TFDP2: variants seen among roughly 807,000 people sequenced by gnomAD.
The protein encoded by TFDP2 is transcription factor Dp-2.
A neutral mutation model predicts 59.3 loss-of-function variants in TFDP2; 17 were observed. The observed-to-expected ratio is 0.29, with a 90% CI of 0.20 to 0.43. TFDP2 has a LOEUF of 0.43. Ranked by LOEUF, TFDP2 falls within the 20% of genes least tolerant of loss-of-function variation. The pLI, the probability that TFDP2 is intolerant of heterozygous loss-of-function variation, is 1.00. For missense variants in TFDP2, 391 were observed against 528.8 expected (o/e 0.74, Z 2.56); for synonymous variants, 180 against 194.7 (o/e 0.92, Z 0.63).
At chr3:142,083,043 A>G (rs2060693649) in intron 3 of TFDP2, among the ~76,000 whole-genome samples, 1 of 152,206 alleles carries the variant, frequency 6.6e-6, no homozygotes, top group Non-Finnish European at 1.5e-5. Context: ...AGATAAAAAT[A>G]AAGGGCCATT....
At chr3:142,002,008 T>G (rs1943820066) in intron 4 of TFDP2, among the ~76,000 whole-genome samples, 1 of 149,636 alleles carries the variant, frequency 6.7e-6, no homozygotes, top group South Asian at 2.1e-4. Context: ...TTTTTTTTTT[T>G]GTCTGAGACA....
intron 6 of TFDP2, among the ~76,000 whole-genome samples, chr3:141,988,108 G>A (rs755988124): frequency 2.0e-5 from 3 of 151,832 alleles, no homozygotes; most frequent in Non-Finnish European, 2.9e-5. Context: ...ACCATGCCTG[G>A]CTAAGTTTTG....
intron 2 of TFDP2, among the ~76,000 whole-genome samples, chr3:142,095,078 C>T (rs1261852387): frequency 1.3e-5 from 2 of 151,876 alleles, no homozygotes; most frequent in Admixed American, 6.6e-5. Flanking sequence ...GTAACCTCTG[C>T]GTCCCGGGTT....
intron 3 of TFDP2, among the ~76,000 whole-genome samples, chr3:142,050,924 G>A (rs998388588): frequency 2.8e-4 from 42 of 152,286 alleles, no homozygotes; most frequent in African/African-American, 9.9e-4. Context: ...ATAGATCAAT[G>A]TAATCCTAAT....
At chr3:142,120,464 T>C (rs1320568673) in intron 1 of TFDP2, among the ~76,000 whole-genome samples, 1 of 152,164 alleles carries the variant, frequency 6.6e-6, no homozygotes, top group Non-Finnish European at 1.5e-5. Flanking sequence ...AACTGAAAGA[T>C]TCACATCAAG....
At chr3:142,095,127 A>G (rs1304882402) in intron 2 of TFDP2, among the ~76,000 whole-genome samples, 1 of 151,982 alleles carries the variant, frequency 6.6e-6, no homozygotes, top group Non-Finnish European at 1.5e-5. Flanking sequence ...AGTAGCTGGG[A>G]TTACAGGCGT....
intron 3 of TFDP2, among the ~76,000 whole-genome samples, chr3:142,063,350 T>C (rs1164432477): frequency 1.3e-5 from 2 of 152,204 alleles, no homozygotes; most frequent in African/African-American, 4.8e-5. Flanking sequence ...ATAAAATAAT[T>C]CTTGTATATC....
chr3:142,038,581 TA>T (rs1028605759), intron 3 of TFDP2, among the ~76,000 whole-genome samples: 1 of 152,106 alleles, frequency 6.6e-6, no homozygotes, highest in Non-Finnish European at 1.5e-5. Context: ...GCTTTTTATA[TA>T]ATGTCCAAAA....
At chr3:142,105,089 T>C (rs1248560227) in intron 1 of TFDP2, among the ~76,000 whole-genome samples, 1 of 152,166 alleles carries the variant, frequency 6.6e-6, no homozygotes, top group Non-Finnish European at 1.5e-5. Context: ...CGCCCTCCAG[T>C]TTATACATAT....
intron 3 of TFDP2, among the ~76,000 whole-genome samples, chr3:142,074,624 G>A (rs1050830980): frequency 2.0e-5 from 3 of 152,042 alleles, no homozygotes; most frequent in African/African-American, 7.2e-5. Context: ...GGCCGAGGCA[G>A]GTGGATCACC....
intron 3 of TFDP2, among the ~76,000 whole-genome samples, chr3:142,031,863 T>C (rs1946445766): frequency 6.6e-6 from 1 of 152,202 alleles, no homozygotes; most frequent in South Asian, 2.1e-4. Context: ...AAATAAAAAC[T>C]ATCTATCAGA....
At position 141,952,500 on chromosome 3, in the gene TFDP2, C is replaced by A; in HGVS notation, c.*13G>T. The A allele has an allele frequency of 6.6e-7, 1 of 1,516,056 alleles. No individual in the cohort carries two copies. Among genetic ancestry groups the A allele is most frequent in the Non-Finnish European group, 8.8e-7 (1 of 1,140,400 alleles). 93.9% of individuals were successfully genotyped at this position (1,516,056 alleles called of 1,614,324 possible). ...TGAGCATCACATATTGAAACGTAGG[C>A]TTTCTCTTGTCTTTATTCTGGGGAG... On this transcript the variant is annotated 3_prime_UTR_variant, in exon 13 of 13. Coordinates refer to ENST00000489671, the MANE Select transcript of TFDP2 (RefSeq NM_001178139.2).
rs542215102 is a variant in TFDP2, at chr3:142,050,195, C to T, written c.82+42866G>A. ...GGCAGAATCGCTTGAACCCAGGAGGCGGAGCTTGCAGTGAGCCAAGATCCA... is the reference window on the plus strand; with the variant it reads ...GGCAGAATCGCTTGAACCCAGGAGGTGGAGCTTGCAGTGAGCCAAGATCCA... On this transcript the variant is annotated intron_variant, in intron 3 of 12. Transcript: ENST00000489671. Among the ~76,000 whole-genome samples, 17 of 148,254 alleles carry T rather than the reference C, an allele frequency of 1.1e-4. No individual in the cohort carries two copies. The East Asian group carries it at 2.6e-3, about 23-fold the overall frequency.
chr3:142,129,755 T>C (rs1177838143), intron 1 of TFDP2, among the ~76,000 whole-genome samples: 1 of 150,990 alleles, frequency 6.6e-6, no homozygotes, highest in Non-Finnish European at 1.5e-5. Context: ...CTGGACAACA[T>C]AGCAAGATCC....
At chr3:142,043,943 T>C in intron 3 of TFDP2, 1 of 789,894 alleles carries the variant, frequency 1.3e-6, no homozygotes, top group East Asian at 2.5e-5. Flanking sequence ...ATTCGCGCAT[T>C]GGCTGTACCC....
At chr3:142,146,676 T>C (rs1441035475) in intron 1 of TFDP2, among the ~76,000 whole-genome samples, 1 of 152,160 alleles carries the variant, frequency 6.6e-6, no homozygotes, top group African/African-American at 2.4e-5. Flanking sequence ...TCTATACTAG[T>C]TAATACCTAA....
At chr3:141,972,991 T>C (rs527788762) in intron 8 of TFDP2, among the ~76,000 whole-genome samples, 1 of 151,298 alleles carries the variant, frequency 6.6e-6, no homozygotes, top group Non-Finnish European at 1.5e-5. Flanking sequence ...ATCTGGTTTC[T>C]CTCTCCATCC....
intron 3 of TFDP2, among the ~76,000 whole-genome samples, chr3:142,073,468 C>A (rs1172203183): frequency 1.4e-5 from 1 of 71,768 alleles, no homozygotes; most frequent in Non-Finnish European, 2.8e-5. Flanking sequence ...CCCCCCCCCC[C>A]CCGCAAAAAA....
At position 141,966,122 on chromosome 3, in the gene TFDP2, T is replaced by C. The variant is rs900715846; in HGVS notation, c.733-2159A>G. Among the ~76,000 whole-genome samples the C allele has an allele frequency of 4.6e-4, 70 of 152,038 alleles. 1 individual carries two copies. Among genetic ancestry groups the C allele is most frequent in the African/African-American group, 1.6e-3 (68 of 41,376 alleles). On this transcript the variant is annotated intron_variant, in intron 9 of 12. Coordinates refer to ENST00000489671, the MANE Select transcript of TFDP2 (RefSeq NM_001178139.2). ...TGCTGTGTACATTTAATAGTATCAATGGTTTTTCAAGTGAAGAGAGCAGTA... is the reference window on the plus strand; with the variant it reads ...TGCTGTGTACATTTAATAGTATCAACGGTTTTTCAAGTGAAGAGAGCAGTA...
Sources: gnomAD v4.1 joint callset for allele counts (sites outside exome capture counted in the v4.1 genomes callset) on GRCh38, gnomAD v4.1.1 for gene constraint, MANE v1.5 for transcripts, NCBI Gene and HGNC (gene_info 2026-07-23, HGNC 2026-07-21) for gene names.